TLN2: variants seen among roughly 807,000 people sequenced by gnomAD.
TLN2 encodes talin 2, also known as talin-2.
TLN2 carries 118 observed loss-of-function variants against 294.7 expected under a neutral mutation model. The ratio of observed to expected loss-of-function variants is 0.40; its 90% CI spans 0.34 to 0.47. The LOEUF (loss-of-function observed/expected upper bound fraction) is 0.47, where lower values mean the gene tolerates loss of function less well. Ranked by LOEUF, TLN2 falls within the 20% of genes least tolerant of loss-of-function variation. The pLI is 0.84. For synonymous variants in TLN2, 1,431 were observed against 1,304.5 expected, an observed-to-expected ratio of 1.10 and a Z score of -2.09; for missense variants, 3,083 against 3,282.2, an observed-to-expected ratio of 0.94 and a Z score of 1.48.
At chr15:62,570,658 T>C (rs2043792190) in intron 1 of TLN2, among the ~76,000 whole-genome samples, 1 of 152,156 alleles carries the variant, frequency 6.6e-6, no homozygotes, top group Non-Finnish European at 1.5e-5. Flanking sequence ...TTGGGCCGGA[T>C]CATTTTTGTC....
rs373811264 is a variant in TLN2 at position 62,592,660 on chromosome 15, T to G, written c.-162+2898T>G. ...GATGTGGACCAGTCCAAAGTCTGAA[T>G]AAAAGTTAATGAATGAACAATGTAA... On this transcript the variant is annotated intron_variant, in intron 2 of 58. Transcript: ENST00000636159. Among the ~76,000 whole-genome samples the G allele has an allele frequency of 7.6e-3, 1,163 of 152,288 alleles. 16 individuals carry two copies. The highest frequency in any genetic ancestry group is 0.027 in the African/African-American group (1,111 of 41,550).
chr15:62,682,535 C>T (rs959658270), intron 11 of TLN2, among the ~76,000 whole-genome samples: 9 of 152,228 alleles, frequency 5.9e-5, no homozygotes, highest in African/African-American at 1.9e-4. Flanking sequence ...GTAGTTTGAT[C>T]TTGGATAAGT....
At chr15:62,676,263 A>T (rs1401812459) in intron 11 of TLN2, among the ~76,000 whole-genome samples, 1 of 152,170 alleles carries the variant, frequency 6.6e-6, no homozygotes, top group African/African-American at 2.4e-5. Context: ...GAGAGAGGAG[A>T]TACCAAGATG....
At chr15:62,561,144 T>A (rs1421806906) in intron 1 of TLN2, among the ~76,000 whole-genome samples, 3 of 152,238 alleles carry the variant, frequency 2.0e-5, no homozygotes, top group Non-Finnish European at 4.4e-5. Flanking sequence ...ACCCATGTGT[T>A]ATTTTGAGTG....
At chr15:62,483,653 A>C (rs1050268402) in intron 1 of TLN2, among the ~76,000 whole-genome samples, 1 of 152,224 alleles carries the variant, frequency 6.6e-6, no homozygotes, top group African/African-American at 2.4e-5. Flanking sequence ...GTTGGCAGAC[A>C]TAAGAAGTAG....
At chr15:62,689,224 AC>A (rs2057565530) in intron 12 of TLN2, among the ~76,000 whole-genome samples, 1 of 152,058 alleles carries the variant, frequency 6.6e-6, no homozygotes, top group Non-Finnish European at 1.5e-5. Flanking sequence ...AACACAGTCT[AC>A]TGGTAATGGC....
intron 1 of TLN2, among the ~76,000 whole-genome samples, chr15:62,570,955 G>A (rs566692271): frequency 6.6e-6 from 1 of 151,230 alleles, no homozygotes; most frequent in Non-Finnish European, 1.5e-5. Flanking sequence ...AGGGAGGAGT[G>A]GCAGTTGGGT....
At chr15:62,780,924 A>T (rs2064109879) in intron 43 of TLN2, among the ~76,000 whole-genome samples, 1 of 152,116 alleles carries the variant, frequency 6.6e-6, no homozygotes, top group Non-Finnish European at 1.5e-5. Context: ...CACTCCTCTC[A>T]GGCAAGGCTG....
In TLN2 at chr15:62,838,836, AT is replaced by A. The variant is rs1485924005; in HGVS notation, c.7375-19del. The A allele has an allele frequency of 1.9e-6, 3 of 1,607,238 alleles. No homozygotes were observed. The highest frequency in any genetic ancestry group is 1.7e-5 in the Admixed American group (1 of 59,454). ...ATGGCTGTTTCTAATGATATAATGT[AT>A]GTTTTGTTCACTCTCCAGGCGGCAG... On this transcript the variant is annotated intron_variant, in intron 57 of 58. Transcript: ENST00000636159.
In TLN2 at chr15:62,835,972, C is replaced by T. The variant is rs764997772; in HGVS notation, c.7273C>T (p.Leu2425Phe). 1 of 1,614,166 alleles carries T rather than the reference C, an allele frequency of 6.2e-7. No individual in the cohort carries two copies. The highest frequency in any genetic ancestry group is 8.5e-7 in the Non-Finnish European group (1 of 1,180,008). The change falls in exon 57 of 59, where the codon CTC becomes TTC. Residue 2425 changes from leucine (L) to phenylalanine (F), a missense_variant. By Grantham distance (22) the Leu-to-Phe change is conservative. Transcript: ENST00000636159. ...SVQGHASEEKLISSAKQVAAS... is the reference protein window; with the variant it reads ...SVQGHASEEKFISSAKQVAAS... ...TCAGGGACACGCCAGCGAGGAGAAG[C>T]TCATCTCATCTGCCAAGCAGGTCGC...
At chr15:62,618,911 T>G (rs1318361957) in intron 3 of TLN2, among the ~76,000 whole-genome samples, 1 of 152,196 alleles carries the variant, frequency 6.6e-6, no homozygotes, top group Non-Finnish European at 1.5e-5. Flanking sequence ...GCTGTTAATG[T>G]TATAAACTAA....
At chr15:62,506,767 A>C (rs1315244385) in intron 1 of TLN2, among the ~76,000 whole-genome samples, 1 of 152,250 alleles carries the variant, frequency 6.6e-6, no homozygotes, top group African/African-American at 2.4e-5. Flanking sequence ...AAAACAGCTG[A>C]TTCCACTCTT....
intron 1 of TLN2, chr15:62,476,517 A>C (rs1315796673): frequency 6.6e-6 from 1 of 152,292 alleles, no homozygotes; most frequent in Non-Finnish European, 1.5e-5. Flanking sequence ...AGCCTCTCTC[A>C]CACCCAACTC....
intron 3 of TLN2, among the ~76,000 whole-genome samples, chr15:62,629,592 A>G (rs563429694): frequency 6.6e-6 from 1 of 152,342 alleles, no homozygotes; most frequent in South Asian, 2.1e-4. Context: ...TTGTCCTGAC[A>G]TTCCAAGGTA....
intron 42 of TLN2, among the ~76,000 whole-genome samples, chr15:62,772,684 CAG>C (rs1278020944): frequency 1.3e-5 from 2 of 150,122 alleles, no homozygotes; most frequent in Admixed American, 6.6e-5. Flanking sequence ...TTTTTTGAGA[CAG>C]AGTTTTGCTC....
chr15:62,409,796 A>G (rs2033651553), intron 1 of TLN2, among the ~76,000 whole-genome samples: 1 of 152,184 alleles, frequency 6.6e-6, no homozygotes, highest in South Asian at 2.1e-4. Context: ...TATTAATAGA[A>G]GAGATTCAGT....
At chr15:62,402,839 T>C (rs776846398) in intron 1 of TLN2, among the ~76,000 whole-genome samples, 2 of 152,228 alleles carry the variant, frequency 1.3e-5, no homozygotes, top group African/African-American at 2.4e-5. Context: ...TCCTGTCCTC[T>C]CTTGGCTTTC....
intron 1 of TLN2, among the ~76,000 whole-genome samples, chr15:62,393,462 A>G (rs556554148): frequency 2.6e-5 from 4 of 152,264 alleles, no homozygotes; most frequent in South Asian, 2.1e-4. Flanking sequence ...AGAGGTGAGT[A>G]TGTTATTTTC....
chr15:62,451,912 A>G (rs1343214562), intron 1 of TLN2, among the ~76,000 whole-genome samples: 1 of 152,148 alleles, frequency 6.6e-6, no homozygotes, highest in Non-Finnish European at 1.5e-5. Context: ...TAGATCGTAT[A>G]TTTATGTGAC....
Sources: gnomAD v4.1 joint callset for allele counts (sites outside exome capture counted in the v4.1 genomes callset) on GRCh38, gnomAD v4.1.1 for gene constraint, MANE v1.5 for transcripts, NCBI Gene and HGNC (gene_info 2026-07-23, HGNC 2026-07-21) for gene names.